GH1: variants seen among roughly 807,000 people sequenced by gnomAD.
GH1 encodes the protein growth hormone 1, also known as somatotropin.
GH1 carries 13 observed loss-of-function variants against 24.5 expected under a neutral mutation model. The observed-to-expected ratio is 0.53, with a 90% CI of 0.35 to 0.85. The LOEUF is 0.85. GH1 is among the 40% of genes least tolerant of loss of function. The probability of loss-of-function intolerance (pLI) is 0.01; values close to 1 mark genes in which losing one functional copy is unlikely to be tolerated. For synonymous variants in GH1, 126 were observed against 116.3 expected (o/e 1.08, Z -0.54); for missense variants, 294 against 273.2 (o/e 1.08, Z -0.54).
rs757986158 is a variant in GH1 at position 63,918,345 on chromosome 17, C to T, written c.171+1G>A. 1 of 1,614,070 alleles carries T rather than the reference C, an allele frequency of 6.2e-7. No homozygotes were observed. Among genetic ancestry groups the T allele is most frequent in the Admixed American group, 1.7e-5 (1 of 60,006 alleles). On this transcript the variant is annotated splice_donor_variant, in intron 2 of 4. Coordinates refer to ENST00000323322, the MANE Select transcript of GH1 (RefSeq NM_000515.5). LOFTEE classifies it high-confidence loss of function. ...TGCGCACCCATTCCCCAAGAGCTTA[C>T]AAACTCCTGGTAGGTGTCAAAGGCC...
intron 1 of GH1, 81 bp from the exon 2 acceptor site, chr17:63,918,587 T>TTCTC: frequency 6.2e-6 from 10 of 1,611,406 alleles, no homozygotes; most frequent in Middle Eastern, 2.1e-4. Flanking sequence ...CTGTTTGTTT[T>TTCTC]TCTCTCTCCA....
chr17:63,917,454 C>T lies in GH1; in HGVS notation c.509G>A (p.Ser170Asn), dbSNP rs1907396280. ...GTTGTGTGAGTTTGTGTCGAACTTG[C>T]TGTAGGTCTGCTTGAAGATCTGCCC... The part of the protein sequence containing the change: ...RTGQIFKQTY[S>N]KFDTNSHNDD... The change falls in exon 5 of 5, where the codon AGC becomes AAC. Residue 170 changes from serine to asparagine, a missense_variant. Coordinates refer to ENST00000323322, the MANE Select transcript of GH1 (RefSeq NM_000515.5). The T allele has an allele frequency of 6.2e-7, 1 of 1,613,862 alleles. No individual in the cohort carries two copies. The highest frequency in any genetic ancestry group is 1.3e-5 in the African/African-American group (1 of 74,920).
At position 63,917,232 on chromosome 17, in the gene GH1, C is replaced by T. The variant is rs759204564; in HGVS notation, c.*77G>A. The T allele has an allele frequency of 1.2e-6, 2 of 1,607,554 alleles. No individual in the cohort carries two copies. The highest frequency in any genetic ancestry group is 1.7e-6 in the Non-Finnish European group (2 of 1,174,334). ...GCAACTTAATTTTATTAGGACAAGG[C>T]TGGTGGGCACTGGAGTGGCAACTTC... On this transcript the variant is annotated 3_prime_UTR_variant, in exon 5 of 5. Coordinates refer to ENST00000323322, the MANE Select transcript of GH1 (RefSeq NM_000515.5).
intron 4 of GH1, 90 bp from the exon 5 acceptor site, chr17:63,917,596 G>C: frequency 6.2e-7 from 1 of 1,613,968 alleles, no homozygotes. Flanking sequence ...CTCCCCTTCA[G>C]GGTGTAGAGA....
rs695 is a variant in GH1 at position 63,918,839 on chromosome 17, T to G, written c.-63A>C. 25,789 of 1,610,988 alleles carry G rather than the reference T, an allele frequency of 0.016. 1,409 individuals are homozygous for G. In the African/African-American group the frequency reaches 0.18, roughly 11 times the overall value. On this transcript the variant is annotated 5_prime_UTR_variant, in exon 1 of 5. Transcript: ENST00000323322. ...TCGGGGAGTTGGGCCTTGGGATCCT[T>G]GAGCTGGTCTCTTGTGGGCCCTTTT...
chr17:63,918,265 G>A (rs1907491736), intron 2 of GH1, 81 bp downstream of exon 2: 2 of 1,610,030 alleles, frequency 1.2e-6, no homozygotes, highest in Non-Finnish European at 1.7e-6. Flanking sequence ...GAGCTCCTTA[G>A]TCTCCTCCTC....
In GH1 at chr17:63,918,747, G is replaced by T; in HGVS notation, c.10+20C>A. 1 of 1,613,894 alleles carries T rather than the reference G, an allele frequency of 6.2e-7. No homozygotes were observed. The highest frequency in any genetic ancestry group is 1.7e-5 in the Admixed American group (1 of 60,014). On this transcript the variant is annotated intron_variant, in intron 1 of 4. Coordinates refer to ENST00000323322, the MANE Select transcript of GH1 (RefSeq NM_000515.5). ...CCCCTCAGGACACATTGTGCCCAAA[G>T]GGATTTTAGGGGCGCTTACCTGTAG... is the stretch of plus-strand genomic sequence containing the variant.
chr17:63,917,531 G>A, intron 4 of GH1, 25 bp from the exon 5 acceptor site: 1 of 1,613,982 alleles, frequency 6.2e-7, no homozygotes, highest in South Asian at 1.1e-5. Flanking sequence ...AAGAGAAGGA[G>A]AGGCCAAGCG....
chr17:63,918,359 G>A lies in GH1; in HGVS notation c.158C>T (p.Thr53Ile), dbSNP rs1907504572. 1.7e-5 allele frequency: 28 copies of A among 1,614,184 alleles called. No homozygotes were observed. The highest frequency in any genetic ancestry group is 1.6e-4 in the Middle Eastern group (1 of 6,062). Reference sequence around the variant, plus strand: ...CCAAGAGCTTACAAACTCCTGGTAGGTGTCAAAGGCCAGCTGGTGCAGACG... The same window carrying A: ...CCAAGAGCTTACAAACTCCTGGTAGATGTCAAAGGCCAGCTGGTGCAGACG... ...AHRLHQLAFD[T>I]YQEFEEAYIP... Residue 53 changes from threonine (T) to isoleucine (I), a missense_variant, in exon 2 of 5, where the codon ACC (threonine) becomes ATC (isoleucine). By Grantham distance (89) the Thr-to-Ile change is moderately conservative. Transcript: ENST00000323322.
At position 63,918,004 on chromosome 17, in the gene GH1, G is replaced by T. The variant is rs372156665; in HGVS notation, c.291+13C>A. On this transcript the variant is annotated intron_variant, in intron 3 of 4. Transcript: ENST00000323322. The stretch of plus-strand genomic sequence containing the variant: ...CTCCCCCATCCCCGCCTGGGGAGAA[G>T]GCATCCACTCACGGATTTCTGTTGT... 4.5e-5 allele frequency: 72 copies of T among 1,614,056 alleles called. No homozygotes were observed. In the South Asian group the frequency reaches 7.2e-4, roughly 16 times the overall value.
intron 1 of GH1, 70 bp from the exon 2 acceptor site, chr17:63,918,576 G>A (rs1907534638): frequency 6.2e-7 from 1 of 1,611,864 alleles, no homozygotes; most frequent in Non-Finnish European, 8.5e-7. Flanking sequence ...TGCTCCAGGA[G>A]CTGTTTGTTT....
intron 2 of GH1, 58 bp downstream of exon 2, chr17:63,918,288 G>T: frequency 6.2e-7 from 1 of 1,610,982 alleles, no homozygotes. Context: ...ATTTCCCAGC[G>T]GGGGAAAGTC....
Position 63,917,657 on chromosome 17 carries a change from G to A in GH1, c.456+103C>T, listed in dbSNP as rs41295247. On this transcript the variant is annotated intron_variant, in intron 4 of 4. Coordinates refer to ENST00000323322, the MANE Select transcript of GH1 (RefSeq NM_000515.5). ...AATGAAGAATAAGGTGAGTTCTCTT[G>A]GGTCAGGGCCTGACTGCTAAAAAGA... 7,354 of 1,613,962 alleles carry A rather than the reference G, an allele frequency of 4.6e-3. 27 individuals carry two copies. The highest frequency in any genetic ancestry group is 5.6e-3 in the Non-Finnish European group (6,570 of 1,179,844).
chr17:63,918,224 C>A (rs1907487460), intron 2 of GH1, 88 bp from the exon 3 acceptor site: 1 of 1,612,534 alleles, frequency 6.2e-7, no homozygotes, highest in Non-Finnish European at 8.5e-7. Context: ...GTGTGCTCAT[C>A]TGCCTGCATT....
At position 63,918,288 on chromosome 17, in the gene GH1, G is replaced by A. The variant is rs571680850; in HGVS notation, c.171+58C>T. On this transcript the variant is annotated intron_variant, in intron 2 of 4. Transcript: ENST00000323322. ...TAGTCTCCTCCTCTTATTTCCCAGC[G>A]GGGGAAAGTCACCCCTTCCTGCCAC... 3.8e-5 allele frequency: 61 copies of A among 1,610,982 alleles called. 1 individual carries two copies. The South Asian group carries it at 4.8e-4, about 13-fold the overall frequency.
At position 63,918,805 on chromosome 17, in the gene GH1, C is replaced by T. The variant is rs1333890546; in HGVS notation, c.-29G>A. The T allele has an allele frequency of 6.2e-7, 1 of 1,613,954 alleles. No homozygotes were observed. Among genetic ancestry groups the T allele is most frequent in the Non-Finnish European group, 8.5e-7 (1 of 1,179,858 alleles). On this transcript the variant is annotated 5_prime_UTR_variant, in exon 1 of 5. Coordinates refer to ENST00000323322, the MANE Select transcript of GH1 (RefSeq NM_000515.5). Reference sequence around the variant, plus strand: ...AGCTAGGTGAGCTGTCCACAGGACCCTGAGTGGTTCGGGGAGTTGGGCCTT... The same window carrying T: ...AGCTAGGTGAGCTGTCCACAGGACCTTGAGTGGTTCGGGGAGTTGGGCCTT...
At position 63,917,767 on chromosome 17, in the gene GH1, A is replaced by T. The variant is rs2144737796; in HGVS notation, c.449T>A (p.Leu150Gln). ...LKDLEEGIQTLMGRLEDGSPR... is the reference protein window; with the variant it reads ...LKDLEEGIQTQMGRLEDGSPR... ...CCCTGGCGCCACCCTCACCCCCATC[A>T]GCGTTTGGATGCCTTCCTCTAGGTC... is the stretch of plus-strand genomic sequence containing the variant. Residue 150 changes from leucine (L) to glutamine (Q), a missense_variant, in exon 4 of 5, where the codon CTG becomes CAG. Coordinates refer to ENST00000323322, the MANE Select transcript of GH1 (RefSeq NM_000515.5). 7.4e-6 allele frequency: 12 copies of T among 1,614,098 alleles called. No individual in the cohort carries two copies. The highest frequency in any genetic ancestry group is 1.0e-5 in the Non-Finnish European group (12 of 1,180,012).
In GH1 at chr17:63,917,417, T is replaced by C. The variant is rs4080078; in HGVS notation, c.546A>G (p.Leu182=). 2.4e-4 allele frequency: 386 copies of C among 1,613,910 alleles called. 1 individual carries two copies. Among genetic ancestry groups the C allele is most frequent in the South Asian group, 7.7e-4 (70 of 91,068 alleles). The change falls in exon 5 of 5, where the codon CTA becomes CTG. Residue 182 remains leucine (L), a synonymous_variant. Coordinates refer to ENST00000323322, the MANE Select transcript of GH1 (RefSeq NM_000515.5). ...AGTAGAGCAGCCCGTAGTTCTTGAG[T>C]AGTGCGTCATCGTTGTGTGAGTTTG... ...FDTNSHNDDA[L]LKNYGLLYCF...
At chr17:63,918,287 C>G (rs375725928) in intron 2 of GH1, 59 bp downstream of exon 2, 32 of 1,610,488 alleles carry the variant, frequency 2.0e-5, no homozygotes, top group Admixed American at 1.2e-4. Context: ...TATTTCCCAG[C>G]GGGGGAAAGT....
Sources: allele counts gnomAD v4.1 joint callset, GRCh38; gene constraint gnomAD v4.1.1; transcripts MANE v1.5; gene names NCBI Gene and HGNC (gene_info 2026-07-23, HGNC 2026-07-21).